GULP1: variants seen among roughly 807,000 people sequenced by gnomAD.
The protein encoded by GULP1 is PTB domain-containing engulfment adapter protein 1.
In GULP1, 19 loss-of-function variants were observed where a neutral mutation model predicts 40.9. The ratio of observed to expected loss-of-function variants is 0.46; its 90% CI spans 0.32 to 0.68. The LOEUF is 0.68. Among genes scored for constraint, GULP1 ranks in the 30% least tolerant of loss-of-function variants. The probability of loss-of-function intolerance (pLI) is 0.03; values close to 1 mark genes in which losing one functional copy is unlikely to be tolerated. For synonymous variants in GULP1, 119 were observed against 117.6 expected, an observed-to-expected ratio of 1.01 and a Z score of -0.08; for missense variants, 312 against 362.2, an observed-to-expected ratio of 0.86 and a Z score of 1.12.
chr2:188,364,863 C>T (rs1052206086), intron 1 of GULP1, among the ~76,000 whole-genome samples: 93 of 140,674 alleles, frequency 6.6e-4, no homozygotes, highest in African/African-American at 2.4e-3. Flanking sequence ...CAAACACACA[C>T]ACACACATAT....
intron 1 of GULP1, among the ~76,000 whole-genome samples, chr2:188,376,158 G>A (rs1406487878): frequency 6.6e-6 from 1 of 152,084 alleles, no homozygotes; most frequent in Non-Finnish European, 1.5e-5. Context: ...AGGGTTAACT[G>A]TATTCCTAGT....
chr2:188,550,085 A>G (rs1233626684), intron 7 of GULP1, among the ~76,000 whole-genome samples: 1 of 151,742 alleles, frequency 6.6e-6, no homozygotes, highest in African/African-American at 2.4e-5. Flanking sequence ...TATCATTAGA[A>G]TAACCTGGAC....
intron 4 of GULP1, among the ~76,000 whole-genome samples, chr2:188,517,925 A>G (rs570500260): frequency 1.3e-5 from 2 of 152,148 alleles, no homozygotes; most frequent in East Asian, 3.9e-4. Flanking sequence ...TCCCCGGCCT[A>G]ATTCTTCAGA....
intron 1 of GULP1, among the ~76,000 whole-genome samples, chr2:188,330,750 C>G (rs1310900194): frequency 3.3e-5 from 5 of 152,094 alleles, no homozygotes; most frequent in Non-Finnish European, 7.4e-5. Flanking sequence ...TAATACTGAA[C>G]TTCTCTGGGC....
chr2:188,527,748 A>G (rs1360750688), intron 5 of GULP1, among the ~76,000 whole-genome samples: 2 of 152,176 alleles, frequency 1.3e-5, no homozygotes, highest in African/African-American at 4.8e-5. Context: ...CAGACACTTA[A>G]AGGCATTCAT....
At chr2:188,530,363 A>G (rs1687224736) in intron 6 of GULP1, among the ~76,000 whole-genome samples, 1 of 152,190 alleles carries the variant, frequency 6.6e-6, no homozygotes, top group Admixed American at 6.6e-5. Context: ...CCTTCAAAGC[A>G]AATAAAATAT....
In GULP1 at chr2:188,549,511, A is replaced by G. The variant is rs1290406043; in HGVS notation, c.399+8193A>G. On this transcript the variant is annotated intron_variant, in intron 7 of 11. Coordinates refer to ENST00000409830, the MANE Select transcript of GULP1 (RefSeq NM_016315.4). ...TCACCAAATGCTGGTAAGAATGGGG[A>G]AAAAGTACATCATTCACACATAGCT... Among the ~76,000 whole-genome samples the G allele has an allele frequency of 2.6e-5, 4 of 151,874 alleles. No individual in the cohort carries two copies. The East Asian group carries it at 7.7e-4, about 29-fold the overall frequency.
At chr2:188,417,364 G>T (rs2054720312) in intron 2 of GULP1, among the ~76,000 whole-genome samples, 1 of 152,136 alleles carries the variant, frequency 6.6e-6, no homozygotes, top group Non-Finnish European at 1.5e-5. Flanking sequence ...CTTACTTCCT[G>T]TGCAGAAGTT....
intron 2 of GULP1, among the ~76,000 whole-genome samples, chr2:188,385,820 G>T (rs1206895765): frequency 6.6e-6 from 1 of 152,118 alleles, no homozygotes; most frequent in Non-Finnish European, 1.5e-5. Context: ...CTTGGCTCCA[G>T]TTCCCAACAA....
At chr2:188,410,134 A>G (rs1559208282) in intron 2 of GULP1, among the ~76,000 whole-genome samples, 1 of 152,208 alleles carries the variant, frequency 6.6e-6, no homozygotes, top group South Asian at 2.1e-4. Context: ...GAAAAACTGG[A>G]CAGTTGCATG....
intron 4 of GULP1, among the ~76,000 whole-genome samples, chr2:188,499,135 G>GTATATATA (rs893185238): frequency 1.2e-3 from 67 of 56,346 alleles, no homozygotes; most frequent in African/African-American, 3.2e-3. Context: ...ATATGTGTGT[G>GTATATATA]TATATATATA....
chr2:188,454,190 G>C (rs374667646), intron 2 of GULP1, among the ~76,000 whole-genome samples: 1 of 152,124 alleles, frequency 6.6e-6, no homozygotes, highest in Non-Finnish European at 1.5e-5. Context: ...CAATTTCAAC[G>C]GTGAGGATGG....
At chr2:188,487,590 C>T (rs560753282) in intron 4 of GULP1, among the ~76,000 whole-genome samples, 17 of 151,068 alleles carry the variant, frequency 1.1e-4, no homozygotes, top group African/African-American at 3.9e-4. Flanking sequence ...AACATCATGT[C>T]GTTATCTTCT....
At position 188,522,840 on chromosome 2, in the gene GULP1, C is replaced by T. The variant is rs553619083; in HGVS notation, c.162+13C>T. The T allele has an allele frequency of 3.9e-5, 60 of 1,538,328 alleles. No individual in the cohort carries two copies. In the South Asian group the frequency reaches 5.7e-4, roughly 15 times the overall value. ...AAGGAAACTAAAGGTAGGGAAAGGC[C>T]TTCAAATAAATTACAAGTGTATTGA... is the stretch of plus-strand genomic sequence containing the variant. On this transcript the variant is annotated intron_variant, in intron 5 of 11. Transcript: ENST00000409830.
At chr2:188,570,695 T>C (rs2153433474) in intron 9 of GULP1, among the ~76,000 whole-genome samples, 1 of 152,306 alleles carries the variant, frequency 6.6e-6, no homozygotes, top group Non-Finnish European at 1.5e-5. Context: ...CCATGTATGA[T>C]ATCATTATTA....
intron 8 of GULP1, chr2:188,569,701 CTCTTCAAAA>C (rs1303492576): frequency 3.4e-5 from 12 of 356,434 alleles, no homozygotes; most frequent in Non-Finnish European, 6.1e-5. Flanking sequence ...CCTTTCTCCA[CTCTTCAAAA>C]TCATCATAAG....
intron 1 of GULP1, among the ~76,000 whole-genome samples, chr2:188,351,460 G>A (rs571343563): frequency 4.0e-4 from 61 of 152,024 alleles, no homozygotes; most frequent in African/African-American, 1.1e-3. Flanking sequence ...GCTTTAATAC[G>A]TCCCCCCAAA....
intron 1 of GULP1, among the ~76,000 whole-genome samples, chr2:188,376,102 C>A (rs1362070287): frequency 1.3e-5 from 2 of 152,072 alleles, no homozygotes; most frequent in Admixed American, 6.6e-5. Flanking sequence ...AAAAAAAAAT[C>A]TACCTGGAGG....
At chr2:188,550,977 C>G (rs914788184) in intron 7 of GULP1, among the ~76,000 whole-genome samples, 4 of 151,410 alleles carry the variant, frequency 2.6e-5, no homozygotes, top group Admixed American at 1.3e-4. Context: ...TATCAAGTCC[C>G]TGAGTTTAAA....
Sources: allele counts gnomAD v4.1 joint callset (sites outside exome capture counted in the v4.1 genomes callset), GRCh38; gene constraint gnomAD v4.1.1; transcripts MANE v1.5; gene names NCBI Gene and HGNC (gene_info 2026-07-23, HGNC 2026-07-21).